Variants in CDHR1 observed in about 807,000 individuals in gnomAD.
CDHR1 encodes cadherin related family member 1.
In CDHR1, 61 loss-of-function variants were observed where a neutral mutation model predicts 72.1. That is an observed-to-expected ratio of 0.85 (90% CI 0.69 to 1.05). CDHR1 has a LOEUF of 1.05. Ranked by LOEUF, CDHR1 falls within the 50% of genes least tolerant of loss-of-function variation. CDHR1 has a pLI of 0.00. For missense variants in CDHR1, 1,186 were observed against 1,115.7 expected (o/e 1.06, Z -0.90); for synonymous variants, 470 against 448.1 (o/e 1.05, Z -0.62).
chr10:84,199,166 C>T, intron 5 of CDHR1, 45 bp downstream of exon 5: 3 of 1,489,296 alleles, frequency 2.0e-6, no homozygotes, highest in Non-Finnish European at 2.7e-6. Flanking sequence ...CACCCAGGCC[C>T]ATAGCCTACC....
Position 84,215,606 on chromosome 10 carries a change from AC to A in CDHR1, c.*987del. The A allele has an allele frequency of 2.2e-6, 2 of 904,290 alleles. No homozygotes were observed. The highest frequency in any genetic ancestry group is 2.6e-6 in the Non-Finnish European group (2 of 755,988). The allele number at this position is 904,290 out of a possible 1,614,324, so 56.0% of individuals were successfully genotyped here. ...TAAATGAAGAAAGTAGGCCCTGTCTACCTCACATGCAGGTCTAGGGTGAGGA... is the reference window on the plus strand; with the variant it reads ...TAAATGAAGAAAGTAGGCCCTGTCTACTCACATGCAGGTCTAGGGTGAGGA... On this transcript the variant is annotated 3_prime_UTR_variant, in exon 17 of 17. Coordinates refer to ENST00000623527, the MANE Select transcript of CDHR1 (RefSeq NM_033100.4).
Position 84,217,232 on chromosome 10 carries a change from C to A in CDHR1, c.*2611C>A. 1 of 985,474 alleles carries A rather than the reference C, an allele frequency of 1.0e-6. No homozygotes were observed. Among genetic ancestry groups the A allele is most frequent in the Non-Finnish European group, 1.2e-6 (1 of 829,980 alleles). The allele number at this position is 985,474 out of a possible 1,614,324, so 61.0% of individuals were successfully genotyped here. A position where few individuals can be genotyped will look rare whatever the true frequency, so the allele number is the denominator to read the frequency against. ...CTAGGTCCCAGTAGGACAGGCAGAG[C>A]TCCAGGCTGGCACCATGGTAGGCCT... On this transcript the variant is annotated 3_prime_UTR_variant, in exon 17 of 17. Coordinates refer to ENST00000623527, the MANE Select transcript of CDHR1 (RefSeq NM_033100.4).
In CDHR1 at chr10:84,215,904, G is replaced by C. The variant is rs971401110; in HGVS notation, c.*1283G>C. 29 of 985,408 alleles carry C rather than the reference G, an allele frequency of 2.9e-5. No individual in the cohort carries two copies. The highest frequency in any genetic ancestry group is 3.5e-5 in the Non-Finnish European group (29 of 829,964). 61.0% of individuals were successfully genotyped at this position (985,408 alleles called of 1,614,324 possible). A position where few individuals can be genotyped will look rare whatever the true frequency, so the allele number is the denominator to read the frequency against. On this transcript the variant is annotated 3_prime_UTR_variant, in exon 17 of 17. Transcript: ENST00000623527. ...GGCCAGCTACCGTCAGAGAGAACCA[G>C]AGCTCCAAGTCTTTAATTTGCCAAG...
downstream of CDHR1, chr10:84,219,208 G>A (rs375739563): frequency 3.7e-5 from 57 of 1,550,858 alleles, no homozygotes; most frequent in East Asian, 1.0e-3. Context: ...CTGCGAAATT[G>A]CCTTATTCAA....
Position 84,213,209 on chromosome 10 carries a change from C to A in CDHR1, c.1901C>A (p.Ser634Tyr). The A allele has an allele frequency of 6.2e-7, 1 of 1,614,248 alleles. No homozygotes were observed. The highest frequency in any genetic ancestry group is 1.1e-5 in the South Asian group (1 of 91,086). ...ACGGGGGAGATCTGGCTCAAGAATT[C>A]CATCCGCTCCCTGGATGCCCTGCAC... ...SHTGEIWLKN[S>Y]IRSLDALHNI... is the part of the protein sequence containing the mutation. The change falls in exon 16 of 17, where the codon TCC (serine) becomes TAC (tyrosine). Residue 634 changes from serine to tyrosine, a missense_variant. By Grantham distance (144) the Ser-to-Tyr change is moderately radical. Coordinates refer to ENST00000623527, the MANE Select transcript of CDHR1 (RefSeq NM_033100.4).
intron 5 of CDHR1, 143 bp from the exon 6 acceptor site, chr10:84,200,458 G>A (rs1842102796): frequency 4.3e-6 from 3 of 693,880 alleles, no homozygotes; most frequent in Non-Finnish European, 8.0e-6. Flanking sequence ...CCCCCACTGG[G>A]TGCTCACACA....
At chr10:84,212,908 C>T in intron 15 of CDHR1, 183 bp from the exon 16 acceptor site, 1 of 719,850 alleles carries the variant, frequency 1.4e-6, no homozygotes, top group Admixed American at 2.1e-5. Context: ...ATGTGTAAGA[C>T]CTACGTAAAC....
chr10:84,218,546 C>T lies in CDHR1; in HGVS notation c.*3925C>T. The T allele has an allele frequency of 2.0e-6, 2 of 985,438 alleles. No homozygotes were observed. Among genetic ancestry groups the T allele is most frequent in the Non-Finnish European group, 2.4e-6 (2 of 829,928 alleles). 61.0% of individuals were successfully genotyped at this position (985,438 alleles called of 1,614,324 possible). ...AAAAGAAAAAGAACAACATTCCTCT[C>T]TTTAATTGCTAATCGCCTGGGCCTA... On this transcript the variant is annotated 3_prime_UTR_variant, in exon 17 of 17. Transcript: ENST00000623527.
In CDHR1 at chr10:84,216,839, G is replaced by C. The variant is rs2132842696; in HGVS notation, c.*2218G>C. On this transcript the variant is annotated 3_prime_UTR_variant, in exon 17 of 17. Transcript: ENST00000623527. ...AATTGCCCACTCTCCCACCCTACCA[G>C]TGCAGCCCGGCAAGGGCAGGAATTG... The C allele has an allele frequency of 1.0e-6, 1 of 985,502 alleles. No individual in the cohort carries two copies. The highest frequency in any genetic ancestry group is 1.1e-4 in the East Asian group (1 of 8,822). The allele number at this position is 985,502 out of a possible 1,614,324, so 61.0% of individuals were successfully genotyped here.
chr10:84,214,367 G>A lies in CDHR1; in HGVS notation c.2326G>A (p.Glu776Lys), dbSNP rs766584917. Residue 776 changes from glutamate (E) to lysine (K), a missense_variant, in exon 17 of 17, where the codon GAG (glutamate) becomes AAG (lysine). Coordinates refer to ENST00000623527, the MANE Select transcript of CDHR1 (RefSeq NM_033100.4). ...KFMLKEKPPN[E>K]NCNNNSPESS... Reference sequence around the variant, plus strand: ...CATGCTCAAAGAGAAACCTCCCAATGAGAACTGTAACAACAACAGCCCAGA... The same window carrying A: ...CATGCTCAAAGAGAAACCTCCCAATAAGAACTGTAACAACAACAGCCCAGA... The A allele has an allele frequency of 1.9e-6, 3 of 1,614,124 alleles. No individual in the cohort carries two copies. The East Asian group carries it at 6.7e-5, about 36-fold the overall frequency.
intron 4 of CDHR1, among the ~76,000 whole-genome samples, chr10:84,198,352 A>T (rs1320154572): frequency 6.6e-6 from 1 of 152,214 alleles, no homozygotes; most frequent in African/African-American, 2.4e-5. Flanking sequence ...CACTGGCGGG[A>T]TGAAAATTAA....
In CDHR1 at chr10:84,214,251, G is replaced by T. The variant is rs549060738; in HGVS notation, c.2210G>T (p.Arg737Leu). 90 of 1,613,482 alleles carry T rather than the reference G, an allele frequency of 5.6e-5. No homozygotes were observed. In the Admixed American group the frequency reaches 1.5e-3, roughly 26 times the overall value. ...NKKSNKVLPM[R>L]RVLRKRPSPA... ...AAGTCTAACAAGGTCCTGCCAATGC[G>T]GCGGGTGCTCCGCAAGCGGCCCAGC... Residue 737 changes from arginine (R) to leucine (L), a missense_variant, in exon 17 of 17, where the codon CGG (arginine) becomes CTG (leucine). By Grantham distance (102) the Arg-to-Leu change is moderately radical. Coordinates refer to ENST00000623527, the MANE Select transcript of CDHR1 (RefSeq NM_033100.4).
downstream of CDHR1, chr10:84,219,356 A>G (rs538476249): frequency 5.9e-6 from 9 of 1,520,144 alleles, no homozygotes; most frequent in South Asian, 6.3e-5. Flanking sequence ...GCAACTGAAT[A>G]CTTCCCTACC....
At chr10:84,201,997 G>T in intron 7 of CDHR1, 77 bp downstream of exon 7, 4 of 1,118,092 alleles carry the variant, frequency 3.6e-6, no homozygotes, top group Middle Eastern at 1.9e-4. Flanking sequence ...CTACAGGGGA[G>T]TGGGAGCAGT....
chr10:84,200,059 A>G (rs889588882), intron 5 of CDHR1, among the ~76,000 whole-genome samples: 2 of 151,894 alleles, frequency 1.3e-5, no homozygotes, highest in Non-Finnish European at 2.9e-5. Context: ...AATCCAAGCT[A>G]CTCGAGAGGC....
chr10:84,205,848 T>C lies in CDHR1; in HGVS notation c.884T>C (p.Ile295Thr), dbSNP rs1842215792. ...LVNGNDGAFE[I>T]NETSGAISIT... ...ACAGGGAACGATGGAGCCTTTGAAA[T>C]TAATGAGACATCTGGAGCCATCTCC... The change falls in exon 10 of 17, where the codon ATT (isoleucine) becomes ACT (threonine). Residue 295 changes from isoleucine (I) to threonine (T), a missense_variant. Coordinates refer to ENST00000623527, the MANE Select transcript of CDHR1 (RefSeq NM_033100.4). 1.2e-6 allele frequency: 2 copies of C among 1,613,998 alleles called. No homozygotes were observed. The highest frequency in any genetic ancestry group is 1.1e-5 in the South Asian group (1 of 91,056).
chr10:84,206,402 G>T (rs960731), intron 10 of CDHR1, among the ~76,000 whole-genome samples: 48,017 of 152,038 alleles, frequency 0.32, 8,707 homozygotes, highest in African/African-American at 0.5. Flanking sequence ...CTAGAGCCGG[G>T]CATGTGACCT....
chr10:84,197,874 G>A (rs775408178), intron 4 of CDHR1, 38 bp downstream of exon 4: 8 of 1,599,594 alleles, frequency 5.0e-6, no homozygotes, highest in Non-Finnish European at 6.9e-6. Context: ...GCAGCCTGCA[G>A]TATTTGGGCC....
At chr10:84,212,863 C>T in intron 15 of CDHR1, 3 of 617,028 alleles carry the variant, frequency 4.9e-6, no homozygotes, top group Non-Finnish European at 8.6e-6. Context: ...ATATTTGCTT[C>T]CTAGACTTGT....
Sources: allele counts gnomAD v4.1 joint callset (sites outside exome capture counted in the v4.1 genomes callset), GRCh38; gene constraint gnomAD v4.1.1; transcripts MANE v1.5; gene names NCBI Gene and HGNC (gene_info 2026-07-23, HGNC 2026-07-21).